ZZEF1: variants seen among roughly 807,000 people sequenced by gnomAD.
ZZEF1 encodes zinc finger ZZ-type and EF-hand domain containing 1, also known as zinc finger ZZ-type and EF-hand domain-containing protein 1.
ZZEF1 carries 157 observed loss-of-function variants against 342.8 expected under a neutral mutation model. That is an observed-to-expected ratio of 0.46 (90% CI 0.40 to 0.52). ZZEF1 has a LOEUF of 0.52. Ranked by LOEUF, ZZEF1 falls within the 20% of genes least tolerant of loss-of-function variation. The pLI is 0.00. For synonymous variants in ZZEF1, 1,505 were observed against 1,429.1 expected (o/e 1.05, Z -1.20); for missense variants, 3,480 against 3,725.6 (o/e 0.93, Z 1.72).
intron 42 of ZZEF1, 26 bp from the exon 43 acceptor site, chr17:4,025,144 A>G (rs2056374922): frequency 6.2e-7 from 1 of 1,609,836 alleles, no homozygotes; most frequent in Non-Finnish European, 8.5e-7. Flanking sequence ...AGGCAGAAAA[A>G]GAAAGGCACA....
At position 4,082,459 on chromosome 17, in the gene ZZEF1, G is replaced by C; in HGVS notation, c.2692C>G (p.Arg898Gly). The change falls in exon 17 of 55, where the codon CGT (arginine) becomes GGT (glycine). Residue 898 changes from arginine (R) to glycine (G), a missense_variant. Arg to Gly is a moderately radical substitution (Grantham distance 125). Around this residue, in one of 5 missense-constraint regions of ZZEF1, gnomAD observed 1,528 missense variants for 1,624.1 expected, o/e 0.94. Transcript: ENST00000381638. The stretch of plus-strand genomic sequence containing the variant: ...TACCTAAAATACGTGCACAGTGAAC[G>C]GAAAGTGAGCTGCAGGGACTGCTTG... ...EHKQSLQLTF[R>G]SLCTYFSDKD... is the part of the protein sequence containing the mutation. The C allele has an allele frequency of 6.2e-7, 1 of 1,614,072 alleles. No homozygotes were observed. The highest frequency in any genetic ancestry group is 8.5e-7 in the Non-Finnish European group (1 of 1,179,978).
intron 36 of ZZEF1, among the ~76,000 whole-genome samples, chr17:4,050,228 G>A (rs781507071): frequency 3.9e-5 from 6 of 152,280 alleles, no homozygotes; most frequent in East Asian, 3.9e-4. Context: ...AGGTGCTGGC[G>A]TTACCCATGT....
intron 18 of ZZEF1, among the ~76,000 whole-genome samples, chr17:4,080,955 T>C (rs1029557698): frequency 2.6e-5 from 4 of 152,156 alleles, no homozygotes; most frequent in Admixed American, 2.6e-4. Context: ...AGTACATTCA[T>C]GCCAGGCAGA....
intron 8 of ZZEF1, among the ~76,000 whole-genome samples, chr17:4,103,869 G>A (rs1417698097): frequency 2.0e-5 from 3 of 152,142 alleles, no homozygotes; most frequent in Non-Finnish European, 4.4e-5. Flanking sequence ...GCAGTGAGCC[G>A]TGATCATGCC....
At chr17:4,093,690 A>C (rs1034090785) in intron 11 of ZZEF1, among the ~76,000 whole-genome samples, 1 of 152,206 alleles carries the variant, frequency 6.6e-6, no homozygotes, top group Non-Finnish European at 1.5e-5. Flanking sequence ...TGCACACTAA[A>C]GCTCAAGGAG....
chr17:4,107,783 G>A (rs964879028), intron 6 of ZZEF1, among the ~76,000 whole-genome samples: 1 of 152,198 alleles, frequency 6.6e-6, no homozygotes, highest in African/African-American at 2.4e-5. Flanking sequence ...GGTGGCTCAT[G>A]CCTGTAATCT....
chr17:4,136,566 GC>G (rs1244369575), intron 1 of ZZEF1, among the ~76,000 whole-genome samples: 1 of 152,084 alleles, frequency 6.6e-6, no homozygotes, highest in East Asian at 1.9e-4. Context: ...CTGGCTCGAG[GC>G]CCAGTTCCCA....
intron 37 of ZZEF1, among the ~76,000 whole-genome samples, chr17:4,048,968 T>C (rs2056987463): frequency 6.6e-6 from 1 of 150,728 alleles, no homozygotes; most frequent in Admixed American, 6.6e-5. Flanking sequence ...TCCGCCCACC[T>C]TGGCCTCCCA....
chr17:4,132,863 G>C (rs935957443), intron 1 of ZZEF1, among the ~76,000 whole-genome samples: 1 of 152,102 alleles, frequency 6.6e-6, no homozygotes, highest in Non-Finnish European at 1.5e-5. Flanking sequence ...CTACTCGGGA[G>C]ACTGAGGCAG....
At chr17:4,045,513 T>C (rs539354995) in intron 37 of ZZEF1, among the ~76,000 whole-genome samples, 7 of 152,360 alleles carry the variant, frequency 4.6e-5, no homozygotes, top group African/African-American at 1.7e-4. Flanking sequence ...ATGATGAAGA[T>C]AAGACTACAT....
intron 35 of ZZEF1, among the ~76,000 whole-genome samples, 153 bp downstream of exon 35, chr17:4,051,818 G>A (rs976696862): frequency 2.5e-4 from 38 of 150,952 alleles, no homozygotes; most frequent in Non-Finnish European, 2.9e-5. Context: ...TGGGTAATGG[G>A]TACATGAAGG....
chr17:4,017,337 G>A lies in ZZEF1; in HGVS notation c.8001+34C>T. The stretch of plus-strand genomic sequence containing the variant: ...AGCCTGTGGGGCAGAGGAAGAACCT[G>A]GTGGGTGAGCACAAGCTCAGTCTGC... On this transcript the variant is annotated intron_variant, in intron 48 of 54. Transcript: ENST00000381638. The surrounding 1 kb of genome is among the most constrained non-coding windows in gnomAD (Gnocchi z 5.1). 1 of 1,551,532 alleles carries A rather than the reference G, an allele frequency of 6.4e-7. No homozygotes were observed. Among genetic ancestry groups the A allele is most frequent in the South Asian group, 1.2e-5 (1 of 82,034 alleles).
chr17:4,119,554 T>C (rs1433511788), intron 2 of ZZEF1, among the ~76,000 whole-genome samples: 1 of 152,182 alleles, frequency 6.6e-6, no homozygotes, highest in Non-Finnish European at 1.5e-5. Context: ...TCCCAATCAA[T>C]GCCCTCATTT....
intron 37 of ZZEF1, among the ~76,000 whole-genome samples, chr17:4,045,383 C>T (rs990772356): frequency 5.3e-5 from 8 of 152,242 alleles, no homozygotes; most frequent in African/African-American, 1.7e-4. Context: ...TTGTGACTTC[C>T]CTTCTAGTAC....
chr17:4,091,113 C>T (rs562522624), intron 11 of ZZEF1, among the ~76,000 whole-genome samples: 6 of 152,300 alleles, frequency 3.9e-5, no homozygotes, highest in Middle Eastern at 3.4e-3. Flanking sequence ...GACAGAAAGT[C>T]GGGCATTGTG....
In ZZEF1 at chr17:4,005,430, C is replaced by T. The variant is rs1241092091; in HGVS notation, c.*1460G>A. 2 of 152,476 alleles carry T rather than the reference C, an allele frequency of 1.3e-5. No individual in the cohort carries two copies. The highest frequency in any genetic ancestry group is 1.9e-4 in the East Asian group (1 of 5,198). The allele number at this position is 152,476 out of a possible 1,614,324, so 9.4% of individuals were successfully genotyped here. ...GACCTGCCCCATGTGTTCCCGTCTC[C>T]CTTAAATCCCACCCTCCACCCGCCC... is the stretch of plus-strand genomic sequence containing the variant. On this transcript the variant is annotated 3_prime_UTR_variant, in exon 55 of 55. Coordinates refer to ENST00000381638, the MANE Select transcript of ZZEF1 (RefSeq NM_015113.4).
In ZZEF1 at chr17:4,059,240, C is replaced by G. The variant is rs1218583111; in HGVS notation, c.4934G>C (p.Arg1645Pro). Residue 1645 changes from arginine to proline, a missense_variant, in exon 31 of 55, where the codon CGA becomes CCA. This residue lies in a region of ZZEF1 where 1,528 missense variants were observed against 1,624.1 expected (regional missense o/e 0.94). Coordinates refer to ENST00000381638, the MANE Select transcript of ZZEF1 (RefSeq NM_015113.4). ...GCGADLHKEI[R>P]DTYYQLVLFL... ...CAGAACAAGTTGATAGTAAGTGTCT[C>G]GAATTTCTTTGTGTAGATCAGCACC... The G allele has an allele frequency of 6.2e-7, 1 of 1,607,840 alleles. No homozygotes were observed. Among genetic ancestry groups the G allele is most frequent in the Non-Finnish European group, 8.5e-7 (1 of 1,178,980 alleles).
chr17:4,018,476 G>A (rs1406444514), intron 46 of ZZEF1, among the ~76,000 whole-genome samples: 1 of 151,772 alleles, frequency 6.6e-6, no homozygotes, highest in Admixed American at 6.6e-5. Context: ...AGTGATCCCC[G>A]AATTGGGCAG....
intron 15 of ZZEF1, among the ~76,000 whole-genome samples, chr17:4,086,029 C>T (rs1448670533): frequency 6.6e-6 from 1 of 152,192 alleles, no homozygotes; most frequent in Non-Finnish European, 1.5e-5. Context: ...CTTCCCTGTC[C>T]TTTTGAGACA....
Sources: gnomAD v4.1 joint callset for allele counts (sites outside exome capture counted in the v4.1 genomes callset) on GRCh38, gnomAD v4.1.1 for gene constraint, gnomAD v4.1.1 regional missense constraint, Gnocchi (gnomAD v3.1) non-coding constraint, MANE v1.5 for transcripts, NCBI Gene and HGNC (gene_info 2026-07-23, HGNC 2026-07-21) for gene names.